Variants in DOCK8 observed in about 807,000 individuals in gnomAD.
The protein encoded by DOCK8 is dedicator of cytokinesis protein 8.
Under a neutral mutation model 245.6 loss-of-function variants are expected in DOCK8, and 141 were observed. That is an observed-to-expected ratio of 0.57 (90% CI 0.50 to 0.66). The LOEUF (loss-of-function observed/expected upper bound fraction) is 0.66. Ranked by LOEUF, DOCK8 falls within the 30% of genes least tolerant of loss-of-function variation. The pLI is 0.00. For synonymous variants in DOCK8, 1,168 were observed against 970.2 expected, an observed-to-expected ratio of 1.20 and a Z score of -3.79; for missense variants, 2,965 against 2,603.4, an observed-to-expected ratio of 1.14 and a Z score of -3.02.
At chr9:400,890 C>T (rs1265016646) in intron 26 of DOCK8, among the ~76,000 whole-genome samples, 1 of 101,834 alleles carries the variant, frequency 9.8e-6, no homozygotes, top group Admixed American at 9.9e-5. Flanking sequence ...TCCACCACCA[C>T]CACCTCCCCC....
At chr9:450,143 G>GGCTTTTGAAAACC (rs1564082925) in intron 45 of DOCK8, among the ~76,000 whole-genome samples, 2 of 152,102 alleles carry the variant, frequency 1.3e-5, no homozygotes. Context: ...AGAAATCCTA[G>GGCTTTTGAAAACC]AGATGAGTGG....
chr9:386,491 A>T (rs981772438), intron 23 of DOCK8, 65 bp downstream of exon 23: 16 of 1,425,948 alleles, frequency 1.1e-5, no homozygotes, highest in Non-Finnish European at 1.5e-5. Context: ...TCATGCCCTC[A>T]CACTGTGCTT....
At chr9:354,991 G>A (rs1040194739) in intron 14 of DOCK8, among the ~76,000 whole-genome samples, 12 of 152,218 alleles carry the variant, frequency 7.9e-5, no homozygotes, top group Middle Eastern at 6.8e-3. Context: ...ATTTCACAGA[G>A]CAAGAATATC....
At chr9:289,679 G>GA in intron 4 of DOCK8, 98 bp downstream of exon 4, 1 of 1,120,718 alleles carries the variant, frequency 8.9e-7, no homozygotes, top group Non-Finnish European at 1.3e-6. Flanking sequence ...TAGGTTTACA[G>GA]AAAAATTGCA....
At chr9:436,661 A>G (rs2056914238) in intron 39 of DOCK8, among the ~76,000 whole-genome samples, 1 of 152,244 alleles carries the variant, frequency 6.6e-6, no homozygotes, top group African/African-American at 2.4e-5. Flanking sequence ...GACATGCCAA[A>G]GTGAATCATT....
chr9:317,344 G>A (rs2130749929), intron 7 of DOCK8, among the ~76,000 whole-genome samples: 1 of 152,202 alleles, frequency 6.6e-6, no homozygotes, highest in East Asian at 1.9e-4. Context: ...AATAGAGAAG[G>A]CAAACACACG....
At chr9:300,413 C>G (rs577750254) in intron 4 of DOCK8, among the ~76,000 whole-genome samples, 7 of 151,950 alleles carry the variant, frequency 4.6e-5, no homozygotes, top group African/African-American at 1.7e-4. Flanking sequence ...GGAAATCAAA[C>G]AAAATGGTGT....
chr9:441,487 C>G (rs922912955), intron 41 of DOCK8, 70 bp downstream of exon 41: 1 of 1,606,296 alleles, frequency 6.2e-7, no homozygotes, highest in African/African-American at 1.3e-5. Context: ...AGATGCTTAG[C>G]CATCCTTCCT....
chr9:373,381 A>G (rs547662828), intron 18 of DOCK8, among the ~76,000 whole-genome samples: 36 of 152,354 alleles, frequency 2.4e-4, no homozygotes, highest in Admixed American at 7.8e-4. Context: ...CCATTGTCAT[A>G]CTTTAAAATT....
chr9:297,825 G>C (rs1262856604), intron 4 of DOCK8, among the ~76,000 whole-genome samples: 1 of 152,260 alleles, frequency 6.6e-6, no homozygotes, highest in East Asian at 1.9e-4. Flanking sequence ...ATGAGGAAGA[G>C]AGGGAAAGTT....
chr9:379,217 G>A (rs999718741), intron 20 of DOCK8, among the ~76,000 whole-genome samples: 2 of 152,198 alleles, frequency 1.3e-5, no homozygotes, highest in African/African-American at 4.8e-5. Context: ...CAGAACAAGA[G>A]GTTCTATGCA....
chr9:227,524 A>C (rs534621905), intron 1 of DOCK8, among the ~76,000 whole-genome samples: 1 of 152,156 alleles, frequency 6.6e-6, no homozygotes, highest in African/African-American at 2.4e-5. Context: ...CCTGGAGTAA[A>C]GATGATTAAA....
rs141636464 is a variant in DOCK8 at position 449,225 on chromosome 9, C to G, written c.5818-559C>G. The stretch of plus-strand genomic sequence containing the variant: ...ATTATCTGGGTGTGGTGGTGCATGC[C>G]TGTAATCCCAGCTACTTGGGAGGCT... On this transcript the variant is annotated intron_variant, in intron 44 of 47. Transcript: ENST00000432829. Among the ~76,000 whole-genome samples the G allele has an allele frequency of 3.0e-3, 454 of 152,258 alleles. 1 individual carries two copies. The highest frequency in any genetic ancestry group is 0.011 in the African/African-American group (439 of 41,544).
At position 246,247 on chromosome 9, in the gene DOCK8, G is replaced by T. The variant is rs564554620; in HGVS notation, c.54-25380G>T. Reference sequence around the variant, plus strand: ...AAAAAAAATGGGCATCTGGCCAGGTGTGGTTGCTCATGCCTATAATCCCAA... The same window carrying T: ...AAAAAAAATGGGCATCTGGCCAGGTTTGGTTGCTCATGCCTATAATCCCAA... On this transcript the variant is annotated intron_variant, in intron 1 of 47. Transcript: ENST00000432829. Among the ~76,000 whole-genome samples, 6 of 152,040 alleles carry T rather than the reference G, an allele frequency of 3.9e-5. No individual in the cohort carries two copies. The East Asian group carries it at 9.7e-4, about 24-fold the overall frequency.
At chr9:464,110 C>T (rs369239353) in intron 47 of DOCK8, 49 bp from the exon 48 acceptor site, 1 of 1,500,242 alleles carries the variant, frequency 6.7e-7, no homozygotes, top group Non-Finnish European at 9.3e-7. Flanking sequence ...TCTTTTCTTG[C>T]TTCTGTACGC....
intron 18 of DOCK8, among the ~76,000 whole-genome samples, chr9:372,648 C>G (rs556625663): frequency 2.6e-5 from 4 of 152,326 alleles, no homozygotes; most frequent in African/African-American, 9.6e-5. Context: ...TCATCCGTTT[C>G]TTTCTTGGGT....
At chr9:339,717 T>G (rs2051488154) in intron 13 of DOCK8, among the ~76,000 whole-genome samples, 1 of 152,228 alleles carries the variant, frequency 6.6e-6, no homozygotes, top group African/African-American at 2.4e-5. Context: ...GGTTTCACCA[T>G]GTTGGCCAGG....
chr9:286,919 G>A (rs1563877612), intron 3 of DOCK8, among the ~76,000 whole-genome samples: 1 of 152,220 alleles, frequency 6.6e-6, no homozygotes, highest in East Asian at 1.9e-4. Flanking sequence ...AGGCTCTGGA[G>A]CCAGACCACC....
chr9:280,812 G>A (rs990095691), intron 2 of DOCK8: 3 of 152,198 alleles, frequency 2.0e-5, no homozygotes, highest in African/African-American at 7.2e-5. Context: ...GAACTCTCTT[G>A]TAGCTCACCC....
Sources: allele counts gnomAD v4.1 joint callset (sites outside exome capture counted in the v4.1 genomes callset), GRCh38; gene constraint gnomAD v4.1.1; transcripts MANE v1.5; gene names NCBI Gene and HGNC (gene_info 2026-07-23, HGNC 2026-07-21).